TLN2: variants seen among roughly 807,000 people sequenced by gnomAD.
TLN2 encodes talin 2, also known as talin-2.
TLN2 carries 118 observed loss-of-function variants against 294.7 expected under a neutral mutation model. That is an observed-to-expected ratio of 0.40 (90% confidence interval 0.34 to 0.47). The LOEUF is 0.47. TLN2 is among the 20% of genes least tolerant of loss of function. TLN2 has a pLI of 0.84. For missense variants in TLN2, 3,083 were observed against 3,282.2 expected (o/e 0.94, Z 1.48); for synonymous variants, 1,431 against 1,304.5 (o/e 1.10, Z -2.09).
chr15:62,429,131 T>TGGGGGGGGGGG (rs1421790915), intron 1 of TLN2, among the ~76,000 whole-genome samples: 80 of 138,002 alleles, frequency 5.8e-4, no homozygotes, highest in Admixed American at 9.9e-4. Context: ...TGGCGGGGGT[T>TGGGGGGGGGGG]GGGGGGGTAG....
intron 22 of TLN2, among the ~76,000 whole-genome samples, chr15:62,713,372 G>C (rs2059553821): frequency 6.6e-6 from 1 of 151,082 alleles, no homozygotes; most frequent in Non-Finnish European, 1.5e-5. Context: ...TAATATGTGT[G>C]TTACTTCACT....
At chr15:62,534,669 G>A (rs2041237120) in intron 1 of TLN2, among the ~76,000 whole-genome samples, 1 of 152,114 alleles carries the variant, frequency 6.6e-6, no homozygotes, top group African/African-American at 2.4e-5. Context: ...CTCTGAGGTT[G>A]GGAGTGGGCC....
At chr15:62,467,497 A>C (rs2037206227) in intron 1 of TLN2, among the ~76,000 whole-genome samples, 1 of 152,132 alleles carries the variant, frequency 6.6e-6, no homozygotes. Flanking sequence ...GTTCGAGACC[A>C]GCCCGGCCAA....
intron 1 of TLN2, among the ~76,000 whole-genome samples, chr15:62,518,512 A>G (rs982483885): frequency 2.0e-5 from 3 of 152,160 alleles, no homozygotes; most frequent in Non-Finnish European, 4.4e-5. Context: ...TTAAATTTCT[A>G]TCTACTTTAT....
In TLN2 at chr15:62,617,768, G is replaced by C. The variant is rs185906125; in HGVS notation, c.-161-583G>C. Reference sequence around the variant, plus strand: ...ACTTCTAAATCAAATGCATAGAGGAGAAGGATGTTAGTGCTGAAGATGTAA... The same window carrying C: ...ACTTCTAAATCAAATGCATAGAGGACAAGGATGTTAGTGCTGAAGATGTAA... On this transcript the variant is annotated intron_variant, in intron 2 of 58. Coordinates refer to ENST00000636159, the MANE Select transcript of TLN2 (RefSeq NM_015059.3). 1.4e-4 allele frequency among the ~76,000 whole-genome samples: 22 copies of C among 152,318 alleles called. No homozygotes were observed. In the South Asian group the frequency reaches 2.7e-3, roughly 19 times the overall value.
chr15:62,766,347 G>A lies in TLN2; in HGVS notation c.5121G>A (p.Val1707=). The A allele has an allele frequency of 1.2e-6, 2 of 1,613,152 alleles. No individual in the cohort carries two copies. Among genetic ancestry groups the A allele is most frequent in the Non-Finnish European group, 8.5e-7 (1 of 1,179,230 alleles). The stretch of plus-strand genomic sequence containing the variant: ...CCCTGCAGGAGCAGCTGACTTCGGT[G>A]GTCCAGGAAATCGGACACCTTATCG... The part of the protein sequence containing the change: ...VEALQEQLTS[V]VQEIGHLIDP... The change falls in exon 41 of 59, where the codon GTG becomes GTA. Residue 1707 remains valine, a synonymous_variant. Coordinates refer to ENST00000636159, the MANE Select transcript of TLN2 (RefSeq NM_015059.3).
chr15:62,626,631 C>T (rs2049307114), intron 3 of TLN2, among the ~76,000 whole-genome samples: 1 of 152,212 alleles, frequency 6.6e-6, no homozygotes, highest in Non-Finnish European at 1.5e-5. Context: ...GACATGATGG[C>T]ATGGGCTGCT....
At chr15:62,829,773 C>T (rs1361332293) in intron 54 of TLN2, 2 of 152,204 alleles carry the variant, frequency 1.3e-5, no homozygotes, top group South Asian at 2.1e-4. Flanking sequence ...TGAACCATCC[C>T]TACCTCCCAG....
rs531490301 is a variant in TLN2, at chr15:62,772,726, G to A, written c.5367+1592G>A. Among the ~76,000 whole-genome samples, 8 of 151,820 alleles carry A rather than the reference G, an allele frequency of 5.3e-5. No individual in the cohort carries two copies. In the South Asian group the frequency reaches 1.2e-3, roughly 24 times the overall value. On this transcript the variant is annotated intron_variant, in intron 42 of 58. Coordinates refer to ENST00000636159, the MANE Select transcript of TLN2 (RefSeq NM_015059.3). Reference sequence around the variant, plus strand: ...TGCCCAGCCTGGAGTGCAATGGCGCGATCTCGGCTCACTGCAACCTCCGCG... The same window carrying A: ...TGCCCAGCCTGGAGTGCAATGGCGCAATCTCGGCTCACTGCAACCTCCGCG...
chr15:62,440,651 C>A (rs2035501374), intron 1 of TLN2, among the ~76,000 whole-genome samples: 2 of 152,172 alleles, frequency 1.3e-5, no homozygotes, highest in Admixed American at 1.3e-4. Context: ...CCCTGTCTTG[C>A]CCTTGGCTGT....
intron 25 of TLN2, among the ~76,000 whole-genome samples, chr15:62,720,108 C>T (rs1347183113): frequency 2.6e-5 from 4 of 152,232 alleles, no homozygotes; most frequent in East Asian, 1.9e-4. Flanking sequence ...GCATATGTTC[C>T]GTTTTCCTCA....
At chr15:62,761,495 C>G (rs916581630) in intron 37 of TLN2, among the ~76,000 whole-genome samples, 186 bp from the exon 38 acceptor site, 1 of 152,288 alleles carries the variant, frequency 6.6e-6, no homozygotes, top group Non-Finnish European at 1.5e-5. Context: ...TCCACAACAT[C>G]TAACTGGGCC....
chr15:62,699,816 C>T (rs1391557285), intron 16 of TLN2, among the ~76,000 whole-genome samples: 1 of 152,234 alleles, frequency 6.6e-6, no homozygotes, highest in Admixed American at 6.5e-5. Flanking sequence ...AAGCCCAAAG[C>T]ACCAGTTCTG....
chr15:62,436,593 T>C (rs2035297048), intron 1 of TLN2, among the ~76,000 whole-genome samples: 1 of 152,188 alleles, frequency 6.6e-6, no homozygotes, highest in African/African-American at 2.4e-5. Flanking sequence ...GAGAAACCAG[T>C]GAAGGCCAGT....
At chr15:62,703,609 ACACACACACACACGCGCG>A (rs1160401714) in intron 19 of TLN2, among the ~76,000 whole-genome samples, 1 of 100,730 alleles carries the variant, frequency 9.9e-6, no homozygotes, top group Non-Finnish European at 2.1e-5. Context: ...TTCGACACAC[ACACACACACACACGCGCG>A]CACACACACA....
At chr15:62,456,887 C>T (rs932352787) in intron 1 of TLN2, among the ~76,000 whole-genome samples, 1 of 152,098 alleles carries the variant, frequency 6.6e-6, no homozygotes, top group Non-Finnish European at 1.5e-5. Flanking sequence ...CGGTTCAGGG[C>T]TCCTTGACAT....
At chr15:62,664,344 G>T (rs1269670742) in intron 9 of TLN2, among the ~76,000 whole-genome samples, 1 of 151,978 alleles carries the variant, frequency 6.6e-6, no homozygotes, top group African/African-American at 2.4e-5. Context: ...AAGTGATTCA[G>T]AAAATACAAA....
At chr15:62,462,623 G>A (rs2036867066) in intron 1 of TLN2, among the ~76,000 whole-genome samples, 1 of 152,210 alleles carries the variant, frequency 6.6e-6, no homozygotes, top group South Asian at 2.1e-4. Context: ...CCTGTTTTTA[G>A]GAGACAAGTG....
At chr15:62,730,589 T>C (rs1164844613) in intron 28 of TLN2, among the ~76,000 whole-genome samples, 1 of 152,240 alleles carries the variant, frequency 6.6e-6, no homozygotes, top group East Asian at 1.9e-4. Context: ...GATGCTTTTG[T>C]TTAGCTTTTA....
Sources: gnomAD v4.1 joint callset for allele counts (sites outside exome capture counted in the v4.1 genomes callset) on GRCh38, gnomAD v4.1.1 for gene constraint, MANE v1.5 for transcripts, NCBI Gene and HGNC (gene_info 2026-07-23, HGNC 2026-07-21) for gene names.